Variants in UGT2B4 observed in about 807,000 individuals in gnomAD.
The protein encoded by UGT2B4 is UDP glucuronosyltransferase family 2 member B4.
UGT2B4 carries 49 observed loss-of-function variants against 49.8 expected under a neutral mutation model. The ratio of observed to expected loss-of-function variants is 0.98; its 90% CI spans 0.78 to 1.25. The LOEUF (loss-of-function observed/expected upper bound fraction) is 1.25. UGT2B4 is among the 50% of genes most tolerant of loss of function. The probability of loss-of-function intolerance (pLI) is 0.00; values close to 1 mark genes in which losing one functional copy is unlikely to be tolerated. For missense variants in UGT2B4, 729 were observed against 627.7 expected (o/e 1.16, Z -1.73); for synonymous variants, 246 against 217.7 (o/e 1.13, Z -1.14).
At chr4:69,506,967 CA>C (rs1184189887) in intron 1 of UGT2B4, among the ~76,000 whole-genome samples, 27 of 152,246 alleles carry the variant, frequency 1.8e-4, no homozygotes, top group Middle Eastern at 3.4e-3. Flanking sequence ...GAACTAAATA[CA>C]AAAACTACAT....
chr4:69,498,469 A>C (rs1450510703), upstream of UGT2B4, among the ~76,000 whole-genome samples: 4 of 151,938 alleles, frequency 2.6e-5, no homozygotes, highest in African/African-American at 9.7e-5. Flanking sequence ...AGAATGGAGA[A>C]AAACAAGACA....
At chr4:69,512,328 T>C (rs1459516679) in intron 1 of UGT2B4, among the ~76,000 whole-genome samples, 2 of 152,150 alleles carry the variant, frequency 1.3e-5, no homozygotes, top group African/African-American at 4.8e-5. Context: ...CTGTAAATTT[T>C]GGTATGTTGT....
intron 1 of UGT2B4, among the ~76,000 whole-genome samples, chr4:69,515,816 A>G (rs1476849396): frequency 6.6e-6 from 1 of 152,160 alleles, no homozygotes; most frequent in Non-Finnish European, 1.5e-5. Flanking sequence ...AAAACCAACG[A>G]ACCAAACAAA....
At chr4:69,492,517 A>T (rs1728020087) in intron 2 of UGT2B4, among the ~76,000 whole-genome samples, 1 of 152,112 alleles carries the variant, frequency 6.6e-6, no homozygotes. Flanking sequence ...ATTTTAAACA[A>T]GTCTACAGGG....
At position 69,489,450 on chromosome 4, in the gene UGT2B4, T is replaced by A. The variant is rs1727912684; in HGVS notation, c.991A>T (p.Ile331Phe). The A allele has an allele frequency of 4.3e-6, 7 of 1,611,218 alleles. No homozygotes were observed. The East Asian group carries it at 1.6e-4, about 36-fold the overall frequency. ...ACATTTTATCTTACCTTTTGTGGGA[T>A]CTTGGCAAGGGCTGATGCAATTACA... ...ANVIASALAK[I>F]PQKVLWRFDG... The change falls in exon 3 of 6, where the codon ATC (isoleucine) becomes TTC (phenylalanine). Residue 331 changes from isoleucine (I) to phenylalanine (F), a missense_variant. Physicochemically the swap from Ile to Phe is conservative, Grantham distance 21 (BLOSUM62 0). Transcript: ENST00000305107.
intron 1 of UGT2B4, among the ~76,000 whole-genome samples, chr4:69,516,869 A>G (rs1369344611): frequency 1.4e-5 from 2 of 147,756 alleles, no homozygotes; most frequent in Non-Finnish European, 3.0e-5. Flanking sequence ...TACGCTCCCA[A>G]AGGCTTCTTT....
At chr4:69,521,441 A>G (rs1728847334) in intron 1 of UGT2B4, among the ~76,000 whole-genome samples, 1 of 152,206 alleles carries the variant, frequency 6.6e-6, no homozygotes, top group Admixed American at 6.5e-5. Context: ...TGACTGCAGC[A>G]GAAGCTGTGT....
chr4:69,515,084 A>G (rs1728697672), intron 1 of UGT2B4, among the ~76,000 whole-genome samples: 1 of 152,168 alleles, frequency 6.6e-6, no homozygotes, highest in South Asian at 2.1e-4. Context: ...GGACACTGTA[A>G]CACCCTACTA....
chr4:69,511,360 T>C (rs1465119254), intron 1 of UGT2B4, among the ~76,000 whole-genome samples: 4 of 152,152 alleles, frequency 2.6e-5, no homozygotes, highest in Non-Finnish European at 4.4e-5. Flanking sequence ...TTTTTATTCA[T>C]AAACTATTGT....
At position 69,495,581 on chromosome 4, in the gene UGT2B4, A is replaced by G. The variant is rs750080331; in HGVS notation, c.281T>C (p.Val94Ala). The change falls in exon 1 of 6, where the codon GTT (valine) becomes GCT (alanine). Residue 94 changes from valine to alanine, a missense_variant. Transcript: ENST00000305107. ...TTTTGGAAGTTCTGCCCATCTCTTAACCAGCTGCTTGATAATATCCTCAAA... is the reference window on the plus strand; with the variant it reads ...TTTTGGAAGTTCTGCCCATCTCTTAGCCAGCTGCTTGATAATATCCTCAAA... ...TEFEDIIKQL[V>A]KRWAELPKDT... is the part of the protein sequence containing the mutation. 5.0e-6 allele frequency: 8 copies of G among 1,613,944 alleles called. No homozygotes were observed. The highest frequency in any genetic ancestry group is 6.8e-6 in the Non-Finnish European group (8 of 1,179,956).
chr4:69,515,933 T>C (rs1051719067), intron 1 of UGT2B4, among the ~76,000 whole-genome samples: 12 of 152,174 alleles, frequency 7.9e-5, no homozygotes, highest in Admixed American at 7.2e-4. Flanking sequence ...GCTGCACAGA[T>C]CAACCCATCA....
At chr4:69,482,698 C>A (rs1253631217) in intron 5 of UGT2B4, among the ~76,000 whole-genome samples, 1 of 152,012 alleles carries the variant, frequency 6.6e-6, no homozygotes, top group African/African-American at 2.4e-5. Flanking sequence ...CCTCCACCTC[C>A]CAGGTTCAAG....
intron 1 of UGT2B4, among the ~76,000 whole-genome samples, chr4:69,519,399 C>A (rs1577905576): frequency 6.6e-6 from 1 of 152,074 alleles, no homozygotes. Flanking sequence ...TTTATTATAT[C>A]TGAGATCAGA....
rs572926873 is a variant in UGT2B4, at chr4:69,506,980, AT to A, written c.-105-11015del. Reference sequence around the variant, plus strand: ...CAGAACTAAATACAAAAACTACATGATTATCTCAATAGATGCAGAAGAGGCC... The same window carrying A: ...CAGAACTAAATACAAAAACTACATGATATCTCAATAGATGCAGAAGAGGCC... On this transcript the variant is annotated intron_variant, in intron 1 of 1. Transcript: ENST00000510114. Among the ~76,000 whole-genome samples the A allele has an allele frequency of 2.1e-3, 321 of 152,320 alleles. 1 individual carries two copies. The highest frequency in any genetic ancestry group is 7.5e-3 in the African/African-American group (313 of 41,578).
intron 1 of UGT2B4, among the ~76,000 whole-genome samples, chr4:69,516,876 C>CTTT (rs563014123): frequency 9.7e-5 from 14 of 144,602 alleles, no homozygotes; most frequent in Admixed American, 4.8e-4. Flanking sequence ...CCAAAGGCTT[C>CTTT]TTTTTTTTTT....
At chr4:69,524,552 TAA>T (rs1728928483) in intron 1 of UGT2B4, among the ~76,000 whole-genome samples, 1 of 152,034 alleles carries the variant, frequency 6.6e-6, no homozygotes, top group African/African-American at 2.4e-5. Flanking sequence ...CAGCTCAACA[TAA>T]GGAATATAGC....
chr4:69,511,435 T>C (rs1728600406), intron 1 of UGT2B4, among the ~76,000 whole-genome samples: 1 of 152,240 alleles, frequency 6.6e-6, no homozygotes, highest in Non-Finnish European at 1.5e-5. Flanking sequence ...TTCATCATTC[T>C]GTTAATGTGT....
rs1488737253 is a variant in UGT2B4, at chr4:69,480,770, G to A, written c.1451C>T (p.Thr484Ile). The A allele has an allele frequency of 1.9e-6, 3 of 1,614,030 alleles. No homozygotes were observed. The highest frequency in any genetic ancestry group is 2.5e-6 in the Non-Finnish European group (3 of 1,179,926). Reference protein sequence around the residue: ...KHLRVAAHDLTWFQYHSLDVT... With the variant: ...KHLRVAAHDLIWFQYHSLDVT... ...ATCCAAAGAGTGGTACTGGAACCAGGTGAGGTCGTGGGCTGCAACCCGAAG... is the reference window on the plus strand; with the variant it reads ...ATCCAAAGAGTGGTACTGGAACCAGATGAGGTCGTGGGCTGCAACCCGAAG... The change falls in exon 6 of 6, where the codon ACC (threonine) becomes ATC (isoleucine). Residue 484 changes from threonine (T) to isoleucine (I), a missense_variant. Thr to Ile is a moderately conservative substitution (Grantham distance 89). Transcript: ENST00000305107.
intron 1 of UGT2B4, 139 bp downstream of exon 1, chr4:69,495,002 G>T: frequency 2.6e-6 from 2 of 783,114 alleles, no homozygotes; most frequent in Non-Finnish European, 3.7e-6. Flanking sequence ...TGTGAGTTTG[G>T]TAGATCATCT....
Sources: allele counts gnomAD v4.1 joint callset (sites outside exome capture counted in the v4.1 genomes callset), GRCh38; gene constraint gnomAD v4.1.1; transcripts MANE v1.5; gene names NCBI Gene and HGNC (gene_info 2026-07-23, HGNC 2026-07-21).